Variants in ZBTB7A observed in about 807,000 individuals in gnomAD.
The protein encoded by ZBTB7A is zinc finger and BTB domain-containing protein 7A.
Under a neutral mutation model 26.7 loss-of-function variants are expected in ZBTB7A, and 7 were observed. The ratio of observed to expected loss-of-function variants is 0.26; its 90% CI spans 0.15 to 0.49. The LOEUF (loss-of-function observed/expected upper bound fraction) is 0.49, where lower values mean the gene tolerates loss of function less well. ZBTB7A is among the 20% of genes least tolerant of loss of function. The pLI is 0.98. For missense variants in ZBTB7A, 617 were observed against 919.5 expected, an observed-to-expected ratio of 0.67 and a Z score of 4.25; for synonymous variants, 452 against 441.0, an observed-to-expected ratio of 1.02 and a Z score of -0.31.
At chr19:4,049,928 T>C (rs181756162) in intron 2 of ZBTB7A, among the ~76,000 whole-genome samples, 10 of 151,684 alleles carry the variant, frequency 6.6e-5, no homozygotes, top group Admixed American at 6.5e-4. Flanking sequence ...GACTCTTCTA[T>C]TGTTTTTTTT....
intron 2 of ZBTB7A, among the ~76,000 whole-genome samples, chr19:4,049,162 GTGTGTGTATATATATATA>G (rs1377129593): frequency 0.084 from 1,543 of 18,420 alleles, 129 homozygotes; most frequent in African/African-American, 0.14. Context: ...GTGTGTGTGT[GTGTGTGTATATATATATA>G]TATATATATA....
At chr19:4,050,996 G>C (rs1391226237) in intron 2 of ZBTB7A, among the ~76,000 whole-genome samples, 3 of 147,888 alleles carry the variant, frequency 2.0e-5, no homozygotes, top group African/African-American at 7.5e-5. Context: ...TACTTGGGAA[G>C]CTGAGGCAGG....
At position 4,050,016 on chromosome 19, in the gene ZBTB7A, C is replaced by T. The variant is rs894995717; in HGVS notation, c.1263-1772G>A. On this transcript the variant is annotated intron_variant, in intron 2 of 2. Transcript: ENST00000322357. ...TCCGCTCACTGCAACTTCCGTCTCCCGGGTTCAAGCAATTCTTCTGCCTCA... is the reference window on the plus strand; with the variant it reads ...TCCGCTCACTGCAACTTCCGTCTCCTGGGTTCAAGCAATTCTTCTGCCTCA... 5.9e-5 allele frequency among the ~76,000 whole-genome samples: 9 copies of T among 152,274 alleles called. No homozygotes were observed. In the East Asian group the frequency reaches 1.2e-3, roughly 20 times the overall value.
At position 4,048,262 on chromosome 19, in the gene ZBTB7A, G is replaced by T; in HGVS notation, c.1263-18C>A. 6.4e-7 allele frequency: 1 copy of T among 1,563,994 alleles called. No homozygotes were observed. The highest frequency in any genetic ancestry group is 8.6e-7 in the Non-Finnish European group (1 of 1,162,990). On this transcript the variant is annotated intron_variant, in intron 2 of 2. Coordinates refer to ENST00000322357, the MANE Select transcript of ZBTB7A (RefSeq NM_015898.4). The surrounding 1 kb of genome is among the most constrained non-coding windows in gnomAD (Gnocchi z 6.7). ...TGTCCTGCCTGTGGACGGGGCACGG[G>T]GCGGGCACGGTCAGTGGGGCCGGGG...
At chr19:4,062,453 C>T (rs2040649096) in intron 1 of ZBTB7A, among the ~76,000 whole-genome samples, 1 of 152,196 alleles carries the variant, frequency 6.6e-6, no homozygotes. Context: ...CGCTGGAAGG[C>T]AGGATCTGTG....
At chr19:4,049,789 G>A (rs2040478420) in intron 2 of ZBTB7A, among the ~76,000 whole-genome samples, 1 of 152,158 alleles carries the variant, frequency 6.6e-6, no homozygotes, top group African/African-American at 2.4e-5. Context: ...CTACGCTGGG[G>A]CCTTTGCATG....
At position 4,045,777 on chromosome 19, in the gene ZBTB7A, G is replaced by A; in HGVS notation, c.*1975C>T. The A allele has an allele frequency of 2.5e-6, 1 of 397,908 alleles. No homozygotes were observed. Among genetic ancestry groups the A allele is most frequent in the Non-Finnish European group, 4.4e-6 (1 of 225,886 alleles). 24.6% of individuals were successfully genotyped at this position (397,908 alleles called of 1,614,324 possible). ...TGGCGACATAGTCTCCCCAACCCCGGCCCCTGTCCGTGGCCTGTGGCTCGG... is the reference window on the plus strand; with the variant it reads ...TGGCGACATAGTCTCCCCAACCCCGACCCCTGTCCGTGGCCTGTGGCTCGG... On this transcript the variant is annotated 3_prime_UTR_variant, in exon 3 of 3. Transcript: ENST00000322357. This position sits in a 1 kb window ranked among gnomAD's most constrained non-coding sequence, Gnocchi z 4.1.
In ZBTB7A at chr19:4,054,246, C is replaced by A; in HGVS notation, c.987G>T (p.Arg329=). The change falls in exon 2 of 3, where the codon CGG becomes CGT. Residue 329 remains arginine, a synonymous_variant. Coordinates refer to ENST00000322357, the MANE Select transcript of ZBTB7A (RefSeq NM_015898.4). Reference sequence around the variant, plus strand: ...CGCTGTCCCCCGCCGCGGCCCCCGCCCGGCCCACCGATGACATCATCTGCT... The same window carrying A: ...CGCTGTCCCCCGCCGCGGCCCCCGCACGGCCCACCGATGACATCATCTGCT... The part of the protein sequence containing the change: ...LLQQMMSSVG[R]AGAAAGDSDE... 6.3e-7 allele frequency: 1 copy of A among 1,578,584 alleles called. No homozygotes were observed. The highest frequency in any genetic ancestry group is 1.1e-5 in the South Asian group (1 of 89,218).
Position 4,065,747 on chromosome 19 carries a change from C to A in ZBTB7A, c.-16+935G>T, listed in dbSNP as rs1373378770. The A allele has an allele frequency of 3.5e-4, 49 of 140,790 alleles. 1 individual carries two copies. Among genetic ancestry groups the A allele is most frequent in the African/African-American group, 1.1e-3 (45 of 39,384 alleles). 8.7% of individuals were successfully genotyped at this position (140,790 alleles called of 1,614,324 possible). ...GAGCGCGGGGAGGGTGACCCCCCCCCCACGGGCGGGGGGCCGAGGGGAGGG... is the reference window on the plus strand; with the variant it reads ...GAGCGCGGGGAGGGTGACCCCCCCCACACGGGCGGGGGGCCGAGGGGAGGG... On this transcript the variant is annotated intron_variant, in intron 1 of 2. Coordinates refer to ENST00000322357, the MANE Select transcript of ZBTB7A (RefSeq NM_015898.4).
At chr19:4,065,955 G>A (rs1311440011) in intron 1 of ZBTB7A, among the ~76,000 whole-genome samples, 5 of 138,936 alleles carry the variant, frequency 3.6e-5, no homozygotes, top group Non-Finnish European at 6.3e-5. Context: ...ATCGGCCCGC[G>A]CCCATTGGCT....
rs1568230151 is a variant in ZBTB7A, at chr19:4,048,488, C to CAGAGAG, written c.1263-245_1263-244insCTCTCT. ...TGAGTGCTGTGTGGCCTTGGGAAAA[C>CAGAGAG]GCTATGCCTCTCTGAACCCCGTTTC... On this transcript the variant is annotated intron_variant, in intron 2 of 2. Coordinates refer to ENST00000322357, the MANE Select transcript of ZBTB7A (RefSeq NM_015898.4). This position sits in a 1 kb window ranked among gnomAD's most constrained non-coding sequence, Gnocchi z 6.7. Among the ~76,000 whole-genome samples, 1 of 152,152 alleles carries CAGAGAG rather than the reference C, an allele frequency of 6.6e-6. No homozygotes were observed. The highest frequency in any genetic ancestry group is 2.4e-5 in the African/African-American group (1 of 41,446).
At chr19:4,065,945 A>T (rs1353625678) in intron 1 of ZBTB7A, among the ~76,000 whole-genome samples, 5 of 128,230 alleles carry the variant, frequency 3.9e-5, no homozygotes, top group Non-Finnish European at 6.6e-5. Context: ...GCGCCGCGCG[A>T]TCGGCCCGCG....
In ZBTB7A at chr19:4,054,962, A is replaced by G. The variant is rs2040561626; in HGVS notation, c.271T>C (p.Phe91Leu). 1 of 1,612,018 alleles carries G rather than the reference A, an allele frequency of 6.2e-7. No individual in the cohort carries two copies. Among genetic ancestry groups the G allele is most frequent in the Non-Finnish European group, 8.5e-7 (1 of 1,179,764 alleles). ...SAEALTALMDFAYTATLTVST... is the reference protein window; with the variant it reads ...SAEALTALMDLAYTATLTVST... ...ACGGTGAGCGTGGCCGTGTAGGCGA[A>G]GTCCATGAGCGCGGTGAGCGCCTCG... Residue 91 changes from phenylalanine (F) to leucine (L), a missense_variant, in exon 2 of 3, where the codon TTC (phenylalanine) becomes CTC (leucine). This residue lies in a region of ZBTB7A where 82 missense variants were observed against 195.2 expected (regional missense o/e 0.42). Transcript: ENST00000322357.
At position 4,054,375 on chromosome 19, in the gene ZBTB7A, C is replaced by A; in HGVS notation, c.858G>T (p.Ala286=). Residue 286 remains alanine, a synonymous_variant, in exon 2 of 3, where the codon GCG becomes GCT. Transcript: ENST00000322357. ...GEEEAASLSE[A]APEPGDSPGF... ...CCGGAGAGTCGCCCGGCTCGGGGGCCGCCTCCGACAGCGAGGCGGCCTCCT... is the reference window on the plus strand; with the variant it reads ...CCGGAGAGTCGCCCGGCTCGGGGGCAGCCTCCGACAGCGAGGCGGCCTCCT... The A allele has an allele frequency of 7.0e-7, 1 of 1,436,878 alleles. No individual in the cohort carries two copies. Among genetic ancestry groups the A allele is most frequent in the Non-Finnish European group, 9.0e-7 (1 of 1,107,082 alleles). 89.0% of individuals were successfully genotyped at this position (1,436,878 alleles called of 1,614,324 possible).
In ZBTB7A at chr19:4,054,827, C is replaced by G. The variant is rs147200385; in HGVS notation, c.406G>C (p.Ala136Pro). ...LLDRQILAAD[A>P]GADAGQLDLV... ...TCCAGCTGCCCGGCGTCGGCGCCCG[C>G]GTCGGCCGCCAGGATCTGCCGGTCC... is the stretch of plus-strand genomic sequence containing the variant. The change falls in exon 2 of 3, where the codon GCG (alanine) becomes CCG (proline). Residue 136 changes from alanine (A) to proline (P), a missense_variant. Physicochemically the swap from Ala to Pro is conservative, Grantham distance 27. Transcript: ENST00000322357. 1,623 of 1,600,946 alleles carry G rather than the reference C, an allele frequency of 1.0e-3. 2 individuals are homozygous for G. Among genetic ancestry groups the G allele is most frequent in the Non-Finnish European group, 1.3e-3 (1,544 of 1,173,796 alleles).
intron 2 of ZBTB7A, among the ~76,000 whole-genome samples, chr19:4,051,861 G>C (rs992664574): frequency 6.6e-6 from 1 of 152,216 alleles, no homozygotes; most frequent in African/African-American, 2.4e-5. Context: ...ACGCAGAGGC[G>C]GGGTGGGGGC....
In ZBTB7A at chr19:4,048,915, T is replaced by C. The variant is rs954967502; in HGVS notation, c.1263-671A>G. On this transcript the variant is annotated intron_variant, in intron 2 of 2. Coordinates refer to ENST00000322357, the MANE Select transcript of ZBTB7A (RefSeq NM_015898.4). This position sits in a 1 kb window ranked among gnomAD's most constrained non-coding sequence, Gnocchi z 6.7. ...ATCCCAGCTACTTGGGAGGTGGAGG[T>C]TGCAGTGAGCCCAGATCACGCCACT... Among the ~76,000 whole-genome samples, 1 of 149,064 alleles carries C rather than the reference T, an allele frequency of 6.7e-6. No individual in the cohort carries two copies. Among genetic ancestry groups the C allele is most frequent in the Admixed American group, 6.7e-5 (1 of 14,878 alleles).
In ZBTB7A at chr19:4,054,018, C is replaced by G; in HGVS notation, c.1215G>C (p.Thr405=). Residue 405 remains threonine (T), a synonymous_variant, in exon 2 of 3, where the codon ACG becomes ACC. Transcript: ENST00000322357. ...GKLPRHIRTH[T]GEKPYECNIC... ...TGTTGCACTCGTAGGGCTTCTCGCC[C>G]GTGTGGGTGCGGATGTGTCGCGGCA... The G allele has an allele frequency of 6.2e-7, 1 of 1,611,374 alleles. No individual in the cohort carries two copies. Among genetic ancestry groups the G allele is most frequent in the Non-Finnish European group, 8.5e-7 (1 of 1,179,620 alleles).
chr19:4,055,279 G>A (rs1385230473), intron 1 of ZBTB7A, 32 bp from the exon 2 acceptor site: 1 of 1,442,056 alleles, frequency 6.9e-7, no homozygotes, highest in Non-Finnish European at 9.1e-7. Flanking sequence ...GGGCGCTCGT[G>A]AGTGGGGGTG....
Sources: gnomAD v4.1 joint callset for allele counts (sites outside exome capture counted in the v4.1 genomes callset) on GRCh38, gnomAD v4.1.1 for gene constraint, gnomAD v4.1.1 regional missense constraint, Gnocchi (gnomAD v3.1) non-coding constraint, MANE v1.5 for transcripts, NCBI Gene and HGNC (gene_info 2026-07-23, HGNC 2026-07-21) for gene names.